Variants in CELSR1 observed in about 807,000 individuals in gnomAD.
The protein encoded by CELSR1 is cadherin EGF LAG seven-pass G-type receptor 1.
A neutral mutation model predicts 249.1 loss-of-function variants in CELSR1; 110 were observed. That is an observed-to-expected ratio of 0.44 (90% CI 0.38 to 0.52). The LOEUF (loss-of-function observed/expected upper bound fraction) is 0.52, where lower values mean the gene tolerates loss of function less well. CELSR1 is among the 20% of genes least tolerant of loss of function. The probability of loss-of-function intolerance (pLI) is 0.00; values close to 1 mark genes in which losing one functional copy is unlikely to be tolerated. For missense variants in CELSR1, 4,109 were observed against 4,296.4 expected, an observed-to-expected ratio of 0.96 and a Z score of 1.22; for synonymous variants, 2,113 against 1,900.0, an observed-to-expected ratio of 1.11 and a Z score of -2.92.
At chr22:46,504,951 A>G (rs1219843425) in intron 1 of CELSR1, among the ~76,000 whole-genome samples, 1 of 152,246 alleles carries the variant, frequency 6.6e-6, no homozygotes, top group Non-Finnish European at 1.5e-5. Flanking sequence ...ACACAGTGGA[A>G]AATGAGGCCA....
Position 46,430,753 on chromosome 22 carries a change from C to T in CELSR1, c.4611+2640G>A, listed in dbSNP as rs982812610. On this transcript the variant is annotated intron_variant, in intron 5 of 34. Transcript: ENST00000674500. The surrounding 1 kb of genome is among the most constrained non-coding windows in gnomAD (Gnocchi z 4.6). ...GACCTCAAGCTGGCCCCCGCCACCC[C>T]TCCAGGCCCCCACACTGCTCCCAAC... is the stretch of plus-strand genomic sequence containing the variant. 1.3e-5 allele frequency among the ~76,000 whole-genome samples: 2 copies of T among 152,162 alleles called. No homozygotes were observed. The highest frequency in any genetic ancestry group is 2.9e-5 in the Non-Finnish European group (2 of 68,028).
chr22:46,387,206 T>TG (rs1290201200), intron 18 of CELSR1, among the ~76,000 whole-genome samples: 1 of 152,150 alleles, frequency 6.6e-6, no homozygotes, highest in Non-Finnish European at 1.5e-5. Flanking sequence ...CTTAAATGCT[T>TG]GGAAGGTCTG....
At chr22:46,405,385 G>A (rs994216812) in intron 9 of CELSR1, among the ~76,000 whole-genome samples, 1 of 150,876 alleles carries the variant, frequency 6.6e-6, no homozygotes, top group East Asian at 2.0e-4. Flanking sequence ...GCGTGAACCT[G>A]GGAGACAGAG....
chr22:46,410,256 A>C lies in CELSR1; in HGVS notation c.4933+142T>G. On this transcript the variant is annotated intron_variant, in intron 7 of 34. Transcript: ENST00000674500. This position sits in a 1 kb window ranked among gnomAD's most constrained non-coding sequence, Gnocchi z 6.8. ...CAGCCTGGACTCCGGGTTCCATCCC[A>C]GGAGCTGCCCACCGCTGGACACATA... 9.5e-7 allele frequency: 1 copy of C among 1,048,686 alleles called. No homozygotes were observed. Among genetic ancestry groups the C allele is most frequent in the East Asian group, 2.5e-5 (1 of 39,482 alleles). 65.0% of individuals were successfully genotyped at this position (1,048,686 alleles called of 1,614,324 possible). A position where few individuals can be genotyped will look rare whatever the true frequency, so the allele number is the denominator to read the frequency against.
At position 46,364,523 on chromosome 22, in the gene CELSR1, TCTGGGGG is replaced by T; in HGVS notation, c.8761_8767del (p.Pro2921SerfsTer7). ...GCCTCCCCAGGCACCTTTCCTCTGC[TCTGGGGG>T]CTGGCTGCTAGCAAGCCTGGCTGCG... is the stretch of plus-strand genomic sequence containing the variant. On this transcript the variant is annotated frameshift_variant, in exon 33 of 35. Coordinates refer to ENST00000674500, the MANE Select transcript of CELSR1 (RefSeq NM_001378328.1). LOFTEE classifies it high-confidence loss of function. 1 of 1,610,824 alleles carries T rather than the reference TCTGGGGG, an allele frequency of 6.2e-7. No individual in the cohort carries two copies.
chr22:46,442,891 A>G (rs999719244), intron 2 of CELSR1, among the ~76,000 whole-genome samples: 4 of 151,892 alleles, frequency 2.6e-5, no homozygotes, highest in African/African-American at 7.3e-5. Flanking sequence ...GGAGATCAAG[A>G]CCATCCTGGC....
Position 46,534,642 on chromosome 22 carries a change from G to A in CELSR1, c.2529C>T (p.Thr843=), listed in dbSNP as rs1226734807. Reference sequence around the variant, plus strand: ...AGTCCAGCTCCATCATGGTGTACATGGTGCCACTGTCGGGGTCAATGCGGA... The same window carrying A: ...AGTCCAGCTCCATCATGGTGTACATAGTGCCACTGTCGGGGTCAATGCGGA... ...PQFRIDPDSG[T]MYTMMELDYE... is the part of the protein sequence containing the mutation. The change falls in exon 1 of 35, where the codon ACC becomes ACT. Residue 843 remains threonine, a synonymous_variant. Transcript: ENST00000674500. The surrounding 1 kb of genome is among the most constrained non-coding windows in gnomAD (Gnocchi z 9.7). The A allele has an allele frequency of 1.2e-5, 19 of 1,613,806 alleles. No homozygotes were observed. Among genetic ancestry groups the A allele is most frequent in the South Asian group, 3.3e-5 (3 of 91,082 alleles).
In CELSR1 at chr22:46,423,101, C is replaced by T. The variant is rs774739509; in HGVS notation, c.4611+10292G>A. Among the ~76,000 whole-genome samples, 3 of 152,228 alleles carry T rather than the reference C, an allele frequency of 2.0e-5. No individual in the cohort carries two copies. The highest frequency in any genetic ancestry group is 1.3e-4 in the Admixed American group (2 of 15,296). On this transcript the variant is annotated intron_variant, in intron 5 of 34. Transcript: ENST00000674500. This position sits in a 1 kb window ranked among gnomAD's most constrained non-coding sequence, Gnocchi z 5.6. ...ACACGAGATAAGGCCTGGAAAGCAC[C>T]GTGCACTGGGACTCGCCCTCTCTGG...
intron 1 of CELSR1, among the ~76,000 whole-genome samples, chr22:46,480,876 G>A (rs118127983): frequency 0.019 from 2,937 of 152,278 alleles, 58 homozygotes; most frequent in East Asian, 0.11. Flanking sequence ...AGTGTCCAGA[G>A]GCAAGTGACA....
At chr22:46,450,094 T>C (rs891079029) in intron 2 of CELSR1, among the ~76,000 whole-genome samples, 11 of 151,820 alleles carry the variant, frequency 7.2e-5, no homozygotes, top group African/African-American at 2.7e-4. Context: ...CCACCGGAGA[T>C]AGGAGCTGCA....
At position 46,534,330 on chromosome 22, in the gene CELSR1, G is replaced by A. The variant is rs201003732; in HGVS notation, c.2841C>T (p.Ser947=). Residue 947 remains serine, a synonymous_variant, in exon 1 of 35, where the codon TCC becomes TCT. Transcript: ENST00000674500. This position sits in a 1 kb window ranked among gnomAD's most constrained non-coding sequence, Gnocchi z 9.7. ...GDGDFYIEPT[S]GVIRTQRRLD... ...GCCGGCGCTGGGTGCGAATCACACC[G>A]GACGTGGGCTCGATGTAGAAGTCCC... The A allele has an allele frequency of 5.3e-5, 85 of 1,613,058 alleles. No homozygotes were observed. The highest frequency in any genetic ancestry group is 4.5e-4 in the East Asian group (20 of 44,890).
Position 46,454,960 on chromosome 22 carries a change from T to C in CELSR1, c.4183+8747A>G, listed in dbSNP as rs1375178062. ...CTTTGTAGAGGTAATCGACTTAGGA[T>C]GAGATCATTAGGGTGGGTCCTAATC... is the stretch of plus-strand genomic sequence containing the variant. On this transcript the variant is annotated intron_variant, in intron 2 of 34. Coordinates refer to ENST00000674500, the MANE Select transcript of CELSR1 (RefSeq NM_001378328.1). This position sits in a 1 kb window ranked among gnomAD's most constrained non-coding sequence, Gnocchi z 5.1. Among the ~76,000 whole-genome samples, 1 of 152,182 alleles carries C rather than the reference T, an allele frequency of 6.6e-6. No individual in the cohort carries two copies.
chr22:46,462,052 C>T (rs1188560156), intron 2 of CELSR1, among the ~76,000 whole-genome samples: 1 of 152,268 alleles, frequency 6.6e-6, no homozygotes. Context: ...GTCGTCCCCA[C>T]CCCCAAACCC....
intron 1 of CELSR1, among the ~76,000 whole-genome samples, chr22:46,509,115 G>A (rs1324218119): frequency 1.3e-5 from 2 of 152,204 alleles, no homozygotes; most frequent in South Asian, 2.1e-4. Context: ...AGTGCCCAGG[G>A]CCTGCACTGA....
In CELSR1 at chr22:46,408,348, T is replaced by C. The variant is rs946669644; in HGVS notation, c.5226+648A>G. ...CAACCACCACCTGGCTGTGGCTTTTTGAGATGGAGTCTCTGTCTTGTCGTC... is the reference window on the plus strand; with the variant it reads ...CAACCACCACCTGGCTGTGGCTTTTCGAGATGGAGTCTCTGTCTTGTCGTC... On this transcript the variant is annotated intron_variant, in intron 9 of 34. Coordinates refer to ENST00000674500, the MANE Select transcript of CELSR1 (RefSeq NM_001378328.1). This position sits in a 1 kb window ranked among gnomAD's most constrained non-coding sequence, Gnocchi z 4.6. Among the ~76,000 whole-genome samples the C allele has an allele frequency of 4.6e-5, 7 of 152,176 alleles. No individual in the cohort carries two copies. The highest frequency in any genetic ancestry group is 7.4e-5 in the Non-Finnish European group (5 of 68,022).
rs947984250 is a variant in CELSR1 at position 46,527,751 on chromosome 22, G to T, written c.3544+5876C>A. ...TTGCCAAAAGCACTGAACTCTCCTGGGAAGGTTTGACACTGGCAGAATCCT... is the reference window on the plus strand; with the variant it reads ...TTGCCAAAAGCACTGAACTCTCCTGTGAAGGTTTGACACTGGCAGAATCCT... On this transcript the variant is annotated intron_variant, in intron 1 of 34. Transcript: ENST00000674500. The surrounding 1 kb of genome is among the most constrained non-coding windows in gnomAD (Gnocchi z 5.5). 6.6e-6 allele frequency among the ~76,000 whole-genome samples: 1 copy of T among 152,196 alleles called. No homozygotes were observed. Among genetic ancestry groups the T allele is most frequent in the African/African-American group, 2.4e-5 (1 of 41,448 alleles).
chr22:46,502,133 C>A (rs111641852), intron 1 of CELSR1, among the ~76,000 whole-genome samples: 3,159 of 151,516 alleles, frequency 0.021, 84 homozygotes, highest in African/African-American at 0.059. Context: ...CAGTGGCGCA[C>A]AAGCCTGCAG....
intron 1 of CELSR1, among the ~76,000 whole-genome samples, chr22:46,521,916 A>G (rs1432175288): frequency 6.6e-6 from 1 of 152,206 alleles, no homozygotes; most frequent in African/African-American, 2.4e-5. Flanking sequence ...TATTTTGCGG[A>G]ACCTCCATAC....
chr22:46,408,913 T>G lies in CELSR1; in HGVS notation c.5226+83A>C. On this transcript the variant is annotated intron_variant, in intron 9 of 34. Transcript: ENST00000674500. The surrounding 1 kb of genome is among the most constrained non-coding windows in gnomAD (Gnocchi z 4.6). ...GAAGGGCGAGTAGCAGGTGCCCGAG[T>G]GTGCACCAGGAAGCCCAGCGCCTGG... 3 of 1,149,494 alleles carry G rather than the reference T, an allele frequency of 2.6e-6. No individual in the cohort carries two copies. Among genetic ancestry groups the G allele is most frequent in the South Asian group, 1.7e-5 (1 of 58,504 alleles). The allele number at this position is 1,149,494 out of a possible 1,614,324, so 71.2% of individuals were successfully genotyped here. A position where few individuals can be genotyped will look rare whatever the true frequency, so the allele number is the denominator to read the frequency against.
Sources: allele counts gnomAD v4.1 joint callset (sites outside exome capture counted in the v4.1 genomes callset), GRCh38; gene constraint gnomAD v4.1.1; non-coding constraint Gnocchi (gnomAD v3.1); transcripts MANE v1.5; gene names NCBI Gene and HGNC (gene_info 2026-07-23, HGNC 2026-07-21).